The following LYRM9 variants were observed in gnomAD, a reference collection of about 807,000 sequenced individuals.
The protein encoded by LYRM9 is LYR motif containing 9.
In LYRM9, 14 loss-of-function variants were observed where a neutral mutation model predicts 12.6. That is an observed-to-expected ratio of 1.11 (90% CI 0.73 to 1.73). The LOEUF is 1.73. LYRM9 is among the 40% of genes most tolerant of loss of function. The probability of loss-of-function intolerance (pLI) is 0.00; values close to 1 mark genes in which losing one functional copy is unlikely to be tolerated. For synonymous variants in LYRM9, 42 were observed against 35.1 expected (o/e 1.20, Z -0.69); for missense variants, 94 against 95.0 (o/e 0.99, Z 0.04).
intron 3 of LYRM9, chr17:27,879,800 A>G: frequency 1.8e-6 from 1 of 541,678 alleles, no homozygotes; most frequent in South Asian, 2.4e-5. Context: ...TTCTAATACC[A>G]GCATCTAAGG....
In LYRM9 at chr17:27,886,519, A is replaced by C. The variant is rs899027982; in HGVS notation, c.-18-3807T>G. On this transcript the variant is annotated intron_variant, in intron 1 of 3. Coordinates refer to ENST00000379102, the MANE Select transcript of LYRM9 (RefSeq NM_001076680.3). This position sits in a 1 kb window ranked among gnomAD's most constrained non-coding sequence, Gnocchi z 4.8. The stretch of plus-strand genomic sequence containing the variant: ...CTTTGGACTTGATCTTGGCCTCTGC[A>C]TCCTGGCTCCCTGCCTCTGTGATGG... Among the ~76,000 whole-genome samples, 3 of 152,204 alleles carry C rather than the reference A, an allele frequency of 2.0e-5. No individual in the cohort carries two copies. Among genetic ancestry groups the C allele is most frequent in the Non-Finnish European group, 4.4e-5 (3 of 68,032 alleles).
intron 2 of LYRM9, 155 bp from the exon 3 acceptor site, chr17:27,880,521 T>C: frequency 1.6e-6 from 1 of 612,500 alleles, no homozygotes; most frequent in Non-Finnish European, 2.9e-6. Context: ...CACACAGAGA[T>C]GAGGAAACAG....
chr17:27,893,359 C>G lies in LYRM9; in HGVS notation c.-61G>C, dbSNP rs776760282. 6.6e-6 allele frequency: 1 copy of G among 152,052 alleles called. No homozygotes were observed. The highest frequency in any genetic ancestry group is 1.5e-5 in the Non-Finnish European group (1 of 67,978). The allele number at this position is 152,052 out of a possible 1,614,324, so 9.4% of individuals were successfully genotyped here. On this transcript the variant is annotated 5_prime_UTR_variant, in exon 1 of 4. Transcript: ENST00000379102. ...CCAGCCCCGGACGCCGCCGCGGCGA[C>G]GAGTGCGCCTGCGCCCCGGGGACTG...
At chr17:27,882,345 C>A (rs1905087877) in intron 2 of LYRM9, among the ~76,000 whole-genome samples, 1 of 152,232 alleles carries the variant, frequency 6.6e-6, no homozygotes, top group Admixed American at 6.5e-5. Flanking sequence ...CACTTAGCTG[C>A]CTCATGCATG....
At chr17:27,882,968 A>T (rs1402072548) in intron 1 of LYRM9, 5 of 567,034 alleles carry the variant, frequency 8.8e-6, no homozygotes, top group Non-Finnish European at 1.4e-5. Context: ...TCTTTCTGGA[A>T]CTCAACTTCA....
chr17:27,879,285 G>A lies in LYRM9; in HGVS notation c.*188C>T. 1 of 482,758 alleles carries A rather than the reference G, an allele frequency of 2.1e-6. No homozygotes were observed. The highest frequency in any genetic ancestry group is 3.5e-6 in the Non-Finnish European group (1 of 283,862). The allele number at this position is 482,758 out of a possible 1,614,324, so 29.9% of individuals were successfully genotyped here. ...TTTCACATCGTAAGTGGCTGGAAGT[G>A]CAAACATAAAGGATGCTAGCAACAT... On this transcript the variant is annotated 3_prime_UTR_variant, in exon 4 of 4. Transcript: ENST00000379102.
chr17:27,882,497 C>T, intron 2 of LYRM9, 72 bp downstream of exon 2: 1 of 1,457,624 alleles, frequency 6.9e-7, no homozygotes, highest in African/African-American at 1.4e-5. Context: ...GTGCCCTGGC[C>T]TTGGCCTCTG....
chr17:27,880,189 G>T, intron 3 of LYRM9, 85 bp downstream of exon 3: 1 of 1,037,894 alleles, frequency 9.6e-7, no homozygotes, highest in Middle Eastern at 2.0e-4. Context: ...CTCAACTGTG[G>T]GGCAGGAGTG....
At chr17:27,892,098 T>C (rs1905475141) in intron 1 of LYRM9, 1 of 174,544 alleles carries the variant, frequency 5.7e-6, no homozygotes, top group East Asian at 1.7e-4. Context: ...CTGGCTAATT[T>C]TTTTAATTAT....
intron 2 of LYRM9, among the ~76,000 whole-genome samples, chr17:27,882,313 C>T (rs1905086816): frequency 6.6e-6 from 1 of 152,202 alleles, no homozygotes; most frequent in African/African-American, 2.4e-5. Flanking sequence ...GATGTCGTGT[C>T]CCACAGTCTA....
intron 3 of LYRM9, chr17:27,879,963 A>G (rs1904989226): frequency 6.4e-6 from 4 of 623,828 alleles, no homozygotes; most frequent in Non-Finnish European, 1.1e-5. Flanking sequence ...TCACAGTGCC[A>G]CCGCCGGCTC....
intron 2 of LYRM9, chr17:27,881,134 G>C (rs1319889053): frequency 6.6e-6 from 1 of 151,810 alleles, no homozygotes; most frequent in African/African-American, 2.4e-5. Context: ...CTACTCGGGA[G>C]GCTAAGGGAG....
At chr17:27,889,916 G>C (rs1905372590) in intron 1 of LYRM9, among the ~76,000 whole-genome samples, 1 of 152,054 alleles carries the variant, frequency 6.6e-6, no homozygotes, top group Admixed American at 6.5e-5. Context: ...AGAGCCTTCT[G>C]CAAAGCCGAT....
chr17:27,879,208 C>T lies in LYRM9; in HGVS notation c.*265G>A, dbSNP rs1188731961. On this transcript the variant is annotated 3_prime_UTR_variant, in exon 4 of 4. Transcript: ENST00000379102. ...AGAGAAAAGTAAAAGAACAAAAACA[C>T]AAAAATAAAAAACACACAAAAGAAG... 1 of 412,518 alleles carries T rather than the reference C, an allele frequency of 2.4e-6. No homozygotes were observed. The highest frequency in any genetic ancestry group is 3.9e-5 in the South Asian group (1 of 25,914). 25.6% of individuals were successfully genotyped at this position (412,518 alleles called of 1,614,324 possible).
rs570500121 is a variant in LYRM9 at position 27,878,720 on chromosome 17, C to G, written c.*753G>C. On this transcript the variant is annotated 3_prime_UTR_variant, in exon 4 of 4. Transcript: ENST00000379102. ...TTGGTTCATGTGGTGGGCACTTCAC[C>G]ACTTCAAGGACACTGTCAACTCCCT... 6.6e-6 allele frequency: 1 copy of G among 152,354 alleles called. No homozygotes were observed. Among genetic ancestry groups the G allele is most frequent in the East Asian group, 1.9e-4 (1 of 5,172 alleles). The allele number at this position is 152,354 out of a possible 1,614,324, so 9.4% of individuals were successfully genotyped here.
rs1904962383 is a variant in LYRM9, at chr17:27,879,464, T to A, written c.*9A>T. On this transcript the variant is annotated 3_prime_UTR_variant, in exon 4 of 4. Coordinates refer to ENST00000379102, the MANE Select transcript of LYRM9 (RefSeq NM_001076680.3). ...TTCCAGAGGCCAGGAAGGCTCACCC[T>A]CGGAGCTCTCAGTTTTGTTTTTTAT... 6.4e-7 allele frequency: 1 copy of A among 1,551,258 alleles called. No individual in the cohort carries two copies. Among genetic ancestry groups the A allele is most frequent in the Non-Finnish European group, 8.7e-7 (1 of 1,147,028 alleles).
intron 1 of LYRM9, among the ~76,000 whole-genome samples, chr17:27,883,835 TAAAAAAA>T (rs781375467): frequency 1.2e-4 from 3 of 24,574 alleles, no homozygotes; most frequent in Non-Finnish European, 1.5e-4. Context: ...AGCCTTTTTC[TAAAAAAA>T]AAAAAAAAAA....
intron 1 of LYRM9, chr17:27,892,431 A>G (rs550703075): frequency 4.4e-5 from 20 of 456,076 alleles, no homozygotes; most frequent in Admixed American, 3.8e-4. Context: ...ATAGATGTCA[A>G]TTGATTCCCA....
chr17:27,889,096 CTTTA>C (rs1342903423), intron 1 of LYRM9, among the ~76,000 whole-genome samples: 6 of 152,106 alleles, frequency 3.9e-5, no homozygotes, highest in Non-Finnish European at 7.4e-5. Flanking sequence ...ACACACGTAC[CTTTA>C]TTTTTGATAC....
Sources: gnomAD v4.1 joint callset for allele counts (sites outside exome capture counted in the v4.1 genomes callset) on GRCh38, gnomAD v4.1.1 for gene constraint, Gnocchi (gnomAD v3.1) non-coding constraint, MANE v1.5 for transcripts, NCBI Gene and HGNC (gene_info 2026-07-23, HGNC 2026-07-21) for gene names.